Variants in RPA2 observed in about 807,000 individuals in gnomAD.
RPA2 encodes replication protein A 32 kDa subunit.
A neutral mutation model predicts 33.4 loss-of-function variants in RPA2; 22 were observed. That is an observed-to-expected ratio of 0.66 (90% CI 0.47 to 0.94). The LOEUF is 0.94. Among genes scored for constraint, RPA2 ranks in the 40% least tolerant of loss-of-function variants. RPA2 has a pLI of 0.00. For synonymous variants in RPA2, 109 were observed against 114.9 expected (o/e 0.95, Z 0.33); for missense variants, 279 against 329.9 (o/e 0.85, Z 1.19).
intron 4 of RPA2, among the ~76,000 whole-genome samples, chr1:27,899,806 T>C (rs9887847): frequency 0.44 from 66,418 of 151,324 alleles, 15,172 homozygotes; most frequent in African/African-American, 0.58. Flanking sequence ...TCAGCCTCCC[T>C]AGTAGCTGGG....
chr1:27,908,188 A>G (rs986470316), intron 2 of RPA2, among the ~76,000 whole-genome samples: 3 of 151,962 alleles, frequency 2.0e-5, no homozygotes, highest in Non-Finnish European at 4.4e-5. Context: ...GTGCAGTGGC[A>G]TTACAGCTCA....
At chr1:27,914,285 C>A (rs754088502) in intron 1 of RPA2, 116 bp from the exon 2 acceptor site, 2 of 1,601,444 alleles carry the variant, frequency 1.2e-6, no homozygotes, top group Admixed American at 3.5e-5. Context: ...ACCTTCCTCG[C>A]CGCCTTCCTG....
At chr1:27,909,108 C>T (rs2090066762) in intron 2 of RPA2, among the ~76,000 whole-genome samples, 1 of 152,170 alleles carries the variant, frequency 6.6e-6, no homozygotes. Context: ...TATGTACTCC[C>T]AGTCTCCTAG....
intron 4 of RPA2, among the ~76,000 whole-genome samples, chr1:27,902,028 T>A (rs541048712): frequency 1.1e-4 from 16 of 149,060 alleles, no homozygotes; most frequent in African/African-American, 3.7e-4. Flanking sequence ...AAAAAAAAAA[T>A]ACATATATAT....
chr1:27,895,894 T>C (rs1571605304), intron 6 of RPA2, among the ~76,000 whole-genome samples: 1 of 152,124 alleles, frequency 6.6e-6, no homozygotes, highest in Non-Finnish European at 1.5e-5. Context: ...CTCCAGACAC[T>C]GGCCTTGCTG....
chr1:27,907,579 C>T (rs904825024), intron 2 of RPA2, among the ~76,000 whole-genome samples: 27 of 152,282 alleles, frequency 1.8e-4, no homozygotes, highest in African/African-American at 5.8e-4. Flanking sequence ...GGAAGAATGA[C>T]CTGCTGCTGC....
chr1:27,894,184 A>C (rs2089860817), intron 7 of RPA2, 78 bp from the exon 8 acceptor site: 2 of 1,501,058 alleles, frequency 1.3e-6, no homozygotes, highest in South Asian at 1.1e-5. Context: ...CCCTTTATAG[A>C]AAAGAAATGA....
chr1:27,913,300 G>A (rs1001975114), intron 2 of RPA2, among the ~76,000 whole-genome samples: 3 of 150,718 alleles, frequency 2.0e-5, no homozygotes, highest in Non-Finnish European at 4.4e-5. Flanking sequence ...ATTTAAAAGC[G>A]ACTTTGGGCC....
intron 2 of RPA2, among the ~76,000 whole-genome samples, chr1:27,908,726 G>A (rs1432784921): frequency 6.6e-6 from 1 of 152,146 alleles, no homozygotes; most frequent in African/African-American, 2.4e-5. Context: ...TCGAACACCT[G>A]ACCTCAGGCA....
At chr1:27,903,130 T>A (rs974339704) in intron 4 of RPA2, among the ~76,000 whole-genome samples, 2 of 152,116 alleles carry the variant, frequency 1.3e-5, no homozygotes, top group African/African-American at 4.8e-5. Flanking sequence ...GGTTTCACCA[T>A]GTTGGCGGTG....
rs1263339671 is a variant in RPA2 at position 27,897,065 on chromosome 1, G to A, written c.465C>T (p.Phe155=). 6 of 1,613,872 alleles carry A rather than the reference G, an allele frequency of 3.7e-6. No individual in the cohort carries two copies. The African/African-American group carries it at 5.3e-5, about 14-fold the overall frequency. Reference sequence around the variant, plus strand: ...TGATCACTTCCAGAATATGTGTGGTGAACTCATTCATATCCTCCAGGGGCA... The same window carrying A: ...TGATCACTTCCAGAATATGTGTGGTAAACTCATTCATATCCTCCAGGGGCA... ...KIMPLEDMNE[F]TTHILEVINA... The change falls in exon 6 of 9, where the codon TTC becomes TTT. Residue 155 remains phenylalanine, a synonymous_variant. Coordinates refer to ENST00000373912, the MANE Select transcript of RPA2 (RefSeq NM_002946.5).
rs930976598 is a variant in RPA2, at chr1:27,892,263, A to T, written c.729-16T>A. Reference sequence around the variant, plus strand: ...CACAGCTTGCCTAGAAAGAAAGAAGAAAAAAAAAAGGTCATTTTCAGGCCA... The same window carrying T: ...CACAGCTTGCCTAGAAAGAAAGAAGTAAAAAAAAAGGTCATTTTCAGGCCA... On this transcript the variant is annotated splice_polypyrimidine_tract_variant and intron_variant, in intron 8 of 8. Coordinates refer to ENST00000373912, the MANE Select transcript of RPA2 (RefSeq NM_002946.5). 4.0e-6 allele frequency: 6 copies of T among 1,484,292 alleles called. No individual in the cohort carries two copies. Among genetic ancestry groups the T allele is most frequent in the Non-Finnish European group, 5.5e-6 (6 of 1,082,888 alleles). 91.9% of individuals were successfully genotyped at this position (1,484,292 alleles called of 1,614,324 possible). A position where few individuals can be genotyped will look rare whatever the true frequency, so the allele number is the denominator to read the frequency against.
In RPA2 at chr1:27,907,015, A is replaced by G. The variant is rs749746006; in HGVS notation, c.246T>C (p.His82=). ...SQVTIVGIIR[H]AEKAPTNIVY... is the part of the protein sequence containing the mutation. ...CAATGTTGGTTGGAGCCTTCTCTGC[A>G]TGTCTGATGATCCCCACAATAGTGA... Residue 82 remains histidine, a synonymous_variant, in exon 4 of 9, where the codon CAT becomes CAC. Coordinates refer to ENST00000373912, the MANE Select transcript of RPA2 (RefSeq NM_002946.5). 6.2e-7 allele frequency: 1 copy of G among 1,613,620 alleles called. No homozygotes were observed. Among genetic ancestry groups the G allele is most frequent in the East Asian group, 2.2e-5 (1 of 44,860 alleles).
At chr1:27,904,303 G>T (rs979581092) in intron 4 of RPA2, among the ~76,000 whole-genome samples, 1 of 152,212 alleles carries the variant, frequency 6.6e-6, no homozygotes, top group South Asian at 2.1e-4. Context: ...TGCAGAGACA[G>T]ATGTCTGAAA....
chr1:27,913,948 C>G (rs1019867867), intron 2 of RPA2, 115 bp downstream of exon 2: 4 of 975,488 alleles, frequency 4.1e-6, no homozygotes, highest in Non-Finnish European at 5.9e-6. Context: ...AATAATAGAT[C>G]ATTATCGCAT....
chr1:27,892,254 A>C lies in RPA2; in HGVS notation c.729-7T>G, dbSNP rs1217689507. 1.2e-6 allele frequency: 2 copies of C among 1,611,232 alleles called. No homozygotes were observed. The highest frequency in any genetic ancestry group is 1.7e-6 in the Non-Finnish European group (2 of 1,177,994). ...CAGAAAATCCACAGCTTGCCTAGAA[A>C]GAAAGAAGAAAAAAAAAAGGTCATT... On this transcript the variant is annotated splice_region_variant and splice_polypyrimidine_tract_variant and intron_variant, in intron 8 of 8. Transcript: ENST00000373912.
At chr1:27,899,883 T>C (rs1489129296) in intron 4 of RPA2, among the ~76,000 whole-genome samples, 1 of 152,052 alleles carries the variant, frequency 6.6e-6, no homozygotes, top group African/African-American at 2.4e-5. Context: ...GGTTTCACCC[T>C]GTTAACCAGG....
intron 4 of RPA2, 133 bp from the exon 5 acceptor site, chr1:27,897,840 T>G (rs2089912759): frequency 2.0e-6 from 1 of 489,022 alleles, no homozygotes; most frequent in South Asian, 5.5e-5. Flanking sequence ...TGGCATTAAG[T>G]AGTTTGCCCT....
Position 27,906,946 on chromosome 1 carries a change from G to A in RPA2, c.315C>T (p.Arg105=). ...CACTTACATCTGTGTCAACCCACTG[G>A]CGAACGTCCATGGGTGCAGCTGTCA... ...DDMTAAPMDV[R]QWVDTDDTSS... is the part of the protein sequence containing the mutation. Residue 105 remains arginine, a synonymous_variant, in exon 4 of 9, where the codon CGC becomes CGT. Coordinates refer to ENST00000373912, the MANE Select transcript of RPA2 (RefSeq NM_002946.5). 1 of 1,612,748 alleles carries A rather than the reference G, an allele frequency of 6.2e-7. No homozygotes were observed. The highest frequency in any genetic ancestry group is 1.1e-5 in the South Asian group (1 of 90,792).
Sources: gnomAD v4.1 joint callset for allele counts (sites outside exome capture counted in the v4.1 genomes callset) on GRCh38, gnomAD v4.1.1 for gene constraint, MANE v1.5 for transcripts, NCBI Gene and HGNC (gene_info 2026-07-23, HGNC 2026-07-21) for gene names.